The following PCBD2 variants were observed in gnomAD, a reference collection of about 807,000 sequenced individuals.
PCBD2 encodes pterin-4-alpha-carbinolamine dehydratase 2.
In PCBD2, 12 loss-of-function variants were observed where a neutral mutation model predicts 16.4. That is an observed-to-expected ratio of 0.73 (90% CI 0.47 to 1.19). PCBD2 has a LOEUF of 1.19. Among genes scored for constraint, PCBD2 ranks in the 50% most tolerant of loss-of-function variants. The pLI is 0.00. For missense variants in PCBD2, 138 were observed against 156.8 expected (o/e 0.88, Z 0.64); for synonymous variants, 58 against 61.8 (o/e 0.94, Z 0.29).
intron 2 of PCBD2, among the ~76,000 whole-genome samples, chr5:134,951,466 GC>G (rs1751358004): frequency 6.6e-6 from 1 of 152,084 alleles, no homozygotes; most frequent in East Asian, 1.9e-4. Context: ...GCTATTACAG[GC>G]AGTGCTGCAA....
chr5:134,937,215 A>C (rs974640685), intron 2 of PCBD2, among the ~76,000 whole-genome samples: 4 of 152,216 alleles, frequency 2.6e-5, no homozygotes, highest in African/African-American at 9.6e-5. Flanking sequence ...ATTTCTTCTA[A>C]TGAAATCCTT....
chr5:134,941,281 GT>G (rs1241323180), intron 2 of PCBD2, among the ~76,000 whole-genome samples: 1 of 152,158 alleles, frequency 6.6e-6, no homozygotes, highest in African/African-American at 2.4e-5. Context: ...AATTGTCATT[GT>G]TTTGGCACAC....
chr5:134,939,940 T>G (rs1751205591), intron 2 of PCBD2, among the ~76,000 whole-genome samples: 2 of 152,096 alleles, frequency 1.3e-5, no homozygotes, highest in Admixed American at 1.3e-4. Flanking sequence ...TTTTTTTTTT[T>G]TTTTAAATCA....
rs200097454 is a variant in PCBD2, at chr5:134,910,292, T to C, written c.85-43T>C. Reference sequence around the variant, plus strand: ...AAGGAGCCATAAGTTTGAGTTTGAGTAAACTTGTACATTTTCAGATATGAA... The same window carrying C: ...AAGGAGCCATAAGTTTGAGTTTGAGCAAACTTGTACATTTTCAGATATGAA... On this transcript the variant is annotated intron_variant, in intron 1 of 3. Coordinates refer to ENST00000254908, the MANE Select transcript of PCBD2 (RefSeq NM_032151.5). 50 of 1,594,532 alleles carry C rather than the reference T, an allele frequency of 3.1e-5. 1 individual carries two copies. The Admixed American group carries it at 7.2e-4, about 23-fold the overall frequency.
chr5:134,924,599 ATTGT>A (rs950972934), intron 2 of PCBD2: 23 of 398,722 alleles, frequency 5.8e-5, no homozygotes, highest in Middle Eastern at 6.3e-4. Flanking sequence ...CTGGTTGAAC[ATTGT>A]TTGTTGGTGT....
chr5:134,937,029 G>T (rs968175671), intron 2 of PCBD2, among the ~76,000 whole-genome samples: 2 of 152,172 alleles, frequency 1.3e-5, no homozygotes, highest in Non-Finnish European at 2.9e-5. Context: ...ACTTCTGTGT[G>T]CATTGACTTA....
At chr5:134,908,067 G>A (rs1030850289) in intron 1 of PCBD2, among the ~76,000 whole-genome samples, 2 of 151,388 alleles carry the variant, frequency 1.3e-5, no homozygotes, top group African/African-American at 4.9e-5. Context: ...CTATGGACAT[G>A]GTCCACCACA....
intron 2 of PCBD2, among the ~76,000 whole-genome samples, chr5:134,955,209 A>T (rs1018659356): frequency 4.6e-5 from 7 of 150,706 alleles, no homozygotes; most frequent in South Asian, 2.1e-4. Context: ...TTTTTTTTTT[A>T]AATTTTTATC....
intron 2 of PCBD2, among the ~76,000 whole-genome samples, chr5:134,948,312 C>G (rs1751322024): frequency 6.6e-6 from 1 of 152,202 alleles, no homozygotes; most frequent in African/African-American, 2.4e-5. Context: ...AAAAGATACT[C>G]ATAGCTAGTG....
intron 2 of PCBD2, among the ~76,000 whole-genome samples, chr5:134,917,767 T>C (rs920696812): frequency 1.3e-5 from 2 of 152,236 alleles, no homozygotes; most frequent in Non-Finnish European, 2.9e-5. Context: ...GGTGGTGCTC[T>C]GCACATCCTA....
chr5:134,905,725 C>G (rs529289200), intron 1 of PCBD2: 1 of 153,066 alleles, frequency 6.5e-6, no homozygotes, highest in East Asian at 1.9e-4. Flanking sequence ...AAGGGGCCGT[C>G]AGTTTTCCTG....
In PCBD2 at chr5:134,958,591, G is replaced by A. The variant is rs577779544; in HGVS notation, c.217-449G>A. ...GTGCTTTTGCTTAAGACACCCTCAG[G>A]AGACCTTTTTCCATAGTCTTGTGGG... is the stretch of plus-strand genomic sequence containing the variant. On this transcript the variant is annotated intron_variant, in intron 2 of 3. Coordinates refer to ENST00000254908, the MANE Select transcript of PCBD2 (RefSeq NM_032151.5). Among the ~76,000 whole-genome samples, 24 of 152,302 alleles carry A rather than the reference G, an allele frequency of 1.6e-4. No individual in the cohort carries two copies. The South Asian group carries it at 4.8e-3, about 30-fold the overall frequency.
chr5:134,927,035 G>C (rs528755197), intron 2 of PCBD2: 2 of 398,518 alleles, frequency 5.0e-6, no homozygotes, highest in Non-Finnish European at 8.8e-6. Context: ...GGGTACGTTC[G>C]TAGTTTGAGT....
intron 2 of PCBD2, among the ~76,000 whole-genome samples, chr5:134,921,594 A>G (rs1470463127): frequency 1.3e-5 from 2 of 152,088 alleles, no homozygotes; most frequent in Admixed American, 1.3e-4. Flanking sequence ...TAGCTTTCCC[A>G]CCAGTTTAGG....
At chr5:134,927,977 T>G in intron 2 of PCBD2, 1 of 396,406 alleles carries the variant, frequency 2.5e-6, no homozygotes, top group Non-Finnish European at 4.5e-6. Flanking sequence ...AAATTATGTG[T>G]TTTTTGGAGA....
At chr5:134,913,622 C>G (rs1195291859) in intron 2 of PCBD2, among the ~76,000 whole-genome samples, 2 of 152,112 alleles carry the variant, frequency 1.3e-5, no homozygotes, top group Non-Finnish European at 2.9e-5. Context: ...CATCCTGTGG[C>G]TGTGTTCTAA....
intron 2 of PCBD2, among the ~76,000 whole-genome samples, chr5:134,920,840 A>G (rs1488285608): frequency 6.6e-6 from 1 of 152,236 alleles, no homozygotes; most frequent in African/African-American, 2.4e-5. Context: ...TATTTTTAGT[A>G]GAGATGGTGT....
chr5:134,924,898 TA>T (rs1481873411), intron 2 of PCBD2: 2 of 390,600 alleles, frequency 5.1e-6, no homozygotes, highest in Non-Finnish European at 9.0e-6. Flanking sequence ...ATTAGAGAAG[TA>T]AAATGTATAC....
intron 2 of PCBD2, among the ~76,000 whole-genome samples, chr5:134,945,941 A>T (rs1262775687): frequency 3.9e-5 from 6 of 152,152 alleles, no homozygotes; most frequent in African/African-American, 1.4e-4. Flanking sequence ...ATTTTTCAGG[A>T]TATAAGGATA....
Sources: gnomAD v4.1 joint callset for allele counts (sites outside exome capture counted in the v4.1 genomes callset) on GRCh38, gnomAD v4.1.1 for gene constraint, MANE v1.5 for transcripts, NCBI Gene and HGNC (gene_info 2026-07-23, HGNC 2026-07-21) for gene names.